The following PRKAG2 variants were observed in gnomAD, a reference collection of about 807,000 sequenced individuals.
PRKAG2 encodes 5'-AMP-activated protein kinase subunit gamma-2.
Under a neutral mutation model 69.6 loss-of-function variants are expected in PRKAG2, and 26 were observed. The ratio of observed to expected loss-of-function variants is 0.37; its 90% CI spans 0.27 to 0.52. PRKAG2 has a LOEUF of 0.52. Among genes scored for constraint, PRKAG2 ranks in the 20% least tolerant of loss-of-function variants. The pLI, the probability that PRKAG2 is intolerant of heterozygous loss-of-function variation, is 0.90. For synonymous variants in PRKAG2, 293 were observed against 285.0 expected (o/e 1.03, Z -0.28); for missense variants, 557 against 740.0 (o/e 0.75, Z 2.87).
At chr7:151,799,249 G>A (rs563231035) in intron 1 of PRKAG2, among the ~76,000 whole-genome samples, 3 of 152,302 alleles carry the variant, frequency 2.0e-5, no homozygotes, top group East Asian at 3.9e-4. Context: ...TGGTAGAGCC[G>A]TGACTCAGCC....
At chr7:151,794,370 C>G (rs1316811538) in intron 1 of PRKAG2, among the ~76,000 whole-genome samples, 7 of 152,274 alleles carry the variant, frequency 4.6e-5, no homozygotes, top group Admixed American at 4.6e-4. Flanking sequence ...TTATGTGGAG[C>G]ACGCCCTTTA....
At chr7:151,589,644 C>T (rs4726058) in intron 6 of PRKAG2, among the ~76,000 whole-genome samples, 29,242 of 152,202 alleles carry the variant, frequency 0.19, 3,439 homozygotes, top group African/African-American at 0.33. Context: ...GATCAAGAAA[C>T]TGGCACCACG....
chr7:151,696,716 A>T (rs925524324), intron 3 of PRKAG2, among the ~76,000 whole-genome samples: 4 of 152,214 alleles, frequency 2.6e-5, no homozygotes, highest in Non-Finnish European at 5.9e-5. Flanking sequence ...GATCCATCGG[A>T]AGGCAGGGTC....
intron 5 of PRKAG2, among the ~76,000 whole-genome samples, chr7:151,626,055 C>T (rs1481769074): frequency 2.6e-5 from 4 of 152,182 alleles, no homozygotes; most frequent in Non-Finnish European, 5.9e-5. Flanking sequence ...AACACATCCA[C>T]CAGGAAGCAG....
rs917389248 is a variant in PRKAG2, at chr7:151,771,731, GTTGTT to G, written c.466+9416_466+9420del. Among the ~76,000 whole-genome samples the G allele has an allele frequency of 2.6e-5, 4 of 152,144 alleles. No individual in the cohort carries two copies. Among genetic ancestry groups the G allele is most frequent in the Admixed American group, 2.6e-4 (4 of 15,272 alleles). ...AGCACGTGTTTTTCACGTTTATATT[GTTGTT>G]TTGTTTCATTTTCTATTTGGAGTGG... is the stretch of plus-strand genomic sequence containing the variant. On this transcript the variant is annotated intron_variant, in intron 3 of 15. Transcript: ENST00000287878. The surrounding 1 kb of genome is among the most constrained non-coding windows in gnomAD (Gnocchi z 4.0).
chr7:151,796,343 G>A lies in PRKAG2; in HGVS notation c.115-9802C>T, dbSNP rs562057058. ...AGACACCCACAGGCCCCAGCTGGAC[G>A]AGAGGACAAAGACGGATGTGAAGGG... On this transcript the variant is annotated intron_variant, in intron 1 of 15. Transcript: ENST00000287878. Among the ~76,000 whole-genome samples, 136 of 152,300 alleles carry A rather than the reference G, an allele frequency of 8.9e-4. 2 individuals are homozygous for A. The highest frequency in any genetic ancestry group is 5.0e-3 in the South Asian group (24 of 4,822).
At chr7:151,673,838 C>CTTTTTT (rs57744338) in intron 4 of PRKAG2, among the ~76,000 whole-genome samples, 2 of 87,588 alleles carry the variant, frequency 2.3e-5, no homozygotes, top group South Asian at 4.0e-4. Flanking sequence ...AGCTTGTGTT[C>CTTTTTT]TTTTTTTTTT....
chr7:151,703,443 T>A (rs1395611667), intron 3 of PRKAG2, among the ~76,000 whole-genome samples: 1 of 152,192 alleles, frequency 6.6e-6, no homozygotes, highest in Non-Finnish European at 1.5e-5. Flanking sequence ...AAGCCCTCAG[T>A]TGTCTTACTG....
At chr7:151,727,707 A>G (rs956410105) in intron 3 of PRKAG2, among the ~76,000 whole-genome samples, 3 of 141,348 alleles carry the variant, frequency 2.1e-5, no homozygotes, top group African/African-American at 2.5e-5. Flanking sequence ...GGCCAGGCCC[A>G]GGAGCGAGAA....
At chr7:151,834,648 G>C (rs1163787785) in intron 1 of PRKAG2, among the ~76,000 whole-genome samples, 1 of 152,224 alleles carries the variant, frequency 6.6e-6, no homozygotes, top group African/African-American at 2.4e-5. Flanking sequence ...GGACCATCTG[G>C]GGTCGGAAGG....
intron 3 of PRKAG2, among the ~76,000 whole-genome samples, chr7:151,711,117 GTGCTGAGT>G (rs1795235174): frequency 6.6e-6 from 1 of 151,914 alleles, no homozygotes; most frequent in South Asian, 2.1e-4. Flanking sequence ...TAGGCTGAGA[GTGCTGAGT>G]GCTAGGCTGA....
intron 3 of PRKAG2, among the ~76,000 whole-genome samples, chr7:151,711,257 T>C (rs1340829610): frequency 7.4e-5 from 11 of 149,000 alleles, no homozygotes; most frequent in African/African-American, 1.0e-4. Context: ...GCTGAGAGTA[T>C]GAAGAGTGCT....
intron 4 of PRKAG2, among the ~76,000 whole-genome samples, chr7:151,666,920 A>G (rs760124481): frequency 2.0e-5 from 3 of 152,240 alleles, no homozygotes; most frequent in Non-Finnish European, 2.9e-5. Context: ...TCCATGGTGC[A>G]CTACCCAGAT....
intron 3 of PRKAG2, among the ~76,000 whole-genome samples, chr7:151,678,102 T>C (rs1833245615): frequency 6.6e-6 from 1 of 152,184 alleles, no homozygotes; most frequent in South Asian, 2.1e-4. Context: ...CCCGTGTCCC[T>C]CCTGCTCCAT....
At chr7:151,824,972 G>A (rs945923128) in intron 1 of PRKAG2, among the ~76,000 whole-genome samples, 1 of 152,168 alleles carries the variant, frequency 6.6e-6, no homozygotes, top group Admixed American at 6.5e-5. Context: ...CTAGCACTTC[G>A]GGAGACTGAG....
intron 6 of PRKAG2, among the ~76,000 whole-genome samples, chr7:151,581,341 C>T (rs569414777): frequency 1.3e-5 from 2 of 152,264 alleles, no homozygotes; most frequent in South Asian, 2.1e-4. Context: ...AGAAAGTAAA[C>T]GAACCTTGTC....
At chr7:151,625,152 G>T (rs1451383385) in intron 5 of PRKAG2, among the ~76,000 whole-genome samples, 2 of 152,198 alleles carry the variant, frequency 1.3e-5, no homozygotes, top group African/African-American at 4.8e-5. Flanking sequence ...TATCAATTGT[G>T]AGGGATCATG....
intron 1 of PRKAG2, among the ~76,000 whole-genome samples, chr7:151,872,891 G>A (rs1291338661): frequency 6.6e-6 from 1 of 152,244 alleles, no homozygotes; most frequent in Admixed American, 6.5e-5. Flanking sequence ...GCCTTCAGGA[G>A]GGGGTCCTCA....
chr7:151,787,591 C>A (rs755639386), intron 1 of PRKAG2, among the ~76,000 whole-genome samples: 1 of 152,174 alleles, frequency 6.6e-6, no homozygotes, highest in African/African-American at 2.4e-5. Flanking sequence ...ATTCCGCTTA[C>A]GCATTCATCA....
Sources: gnomAD v4.1 joint callset for allele counts (sites outside exome capture counted in the v4.1 genomes callset) on GRCh38, gnomAD v4.1.1 for gene constraint, Gnocchi (gnomAD v3.1) non-coding constraint, MANE v1.5 for transcripts, NCBI Gene and HGNC (gene_info 2026-07-23, HGNC 2026-07-21) for gene names.